NRG3: variants seen among roughly 807,000 people sequenced by gnomAD.
NRG3 encodes neuregulin 3.
A neutral mutation model predicts 66.9 loss-of-function variants in NRG3; 31 were observed. The ratio of observed to expected loss-of-function variants is 0.46; its 90% CI spans 0.35 to 0.63. The LOEUF (loss-of-function observed/expected upper bound fraction) is 0.63, where lower values mean the gene tolerates loss of function less well. Among genes scored for constraint, NRG3 ranks in the 20% least tolerant of loss-of-function variants. The pLI is 0.00. For missense variants in NRG3, 910 were observed against 878.9 expected, an observed-to-expected ratio of 1.04 and a Z score of -0.45; for synonymous variants, 393 against 359.4, an observed-to-expected ratio of 1.09 and a Z score of -1.06.
intron 2 of NRG3, among the ~76,000 whole-genome samples, chr10:82,590,395 G>C (rs1305873556): frequency 6.6e-6 from 1 of 152,118 alleles, no homozygotes; most frequent in Non-Finnish European, 1.5e-5. Flanking sequence ...ATCGGAGGAA[G>C]CTAAGAAGGC....
At chr10:81,942,384 A>G (rs1433294838) in intron 1 of NRG3, among the ~76,000 whole-genome samples, 1 of 152,156 alleles carries the variant, frequency 6.6e-6, no homozygotes. Context: ...TGATGTAAGT[A>G]GGACTCATTA....
At chr10:82,252,121 A>G (rs1174690631) in intron 1 of NRG3, among the ~76,000 whole-genome samples, 2 of 152,356 alleles carry the variant, frequency 1.3e-5, no homozygotes, top group East Asian at 3.9e-4. Flanking sequence ...CAGATTCTCA[A>G]GACCCCTTTT....
intron 1 of NRG3, among the ~76,000 whole-genome samples, chr10:82,007,472 G>A (rs1233085993): frequency 2.6e-5 from 4 of 152,070 alleles, no homozygotes; most frequent in African/African-American, 9.7e-5. Context: ...CTCCCAAAGT[G>A]CTGGGATTAC....
intron 1 of NRG3, among the ~76,000 whole-genome samples, chr10:81,999,102 C>T (rs544174307): frequency 1.4e-4 from 22 of 152,248 alleles, no homozygotes; most frequent in Non-Finnish European, 2.4e-4. Context: ...GGTGCCTGGG[C>T]GGCAAAGTGT....
At chr10:82,827,035 A>C in intron 3 of NRG3, 1 of 252,212 alleles carries the variant, frequency 4.0e-6, no homozygotes, top group Non-Finnish European at 7.9e-6. Flanking sequence ...TAACGTGTGT[A>C]AATTCCCATA....
rs535941716 is a variant in NRG3, at chr10:82,960,253, C to G, written c.1284+1178C>G. On this transcript the variant is annotated intron_variant, in intron 6 of 8. Coordinates refer to ENST00000372141, the MANE Select transcript of NRG3 (RefSeq NM_001010848.4). ...GTGCAGGAATTGTTCATTTCAGAAA[C>G]AGAGTGAATGGTTTTGCTATTGATT... Among the ~76,000 whole-genome samples the G allele has an allele frequency of 2.4e-4, 37 of 152,316 alleles. No homozygotes were observed. In the South Asian group the frequency reaches 7.5e-3, roughly 31 times the overall value.
At chr10:82,110,225 G>A (rs1409347334) in intron 1 of NRG3, among the ~76,000 whole-genome samples, 2 of 152,112 alleles carry the variant, frequency 1.3e-5, no homozygotes, top group Non-Finnish European at 2.9e-5. Context: ...AGTATATATT[G>A]GGCCAAGGGA....
intron 3 of NRG3, among the ~76,000 whole-genome samples, chr10:82,798,110 A>G (rs2060879593): frequency 6.6e-6 from 1 of 152,132 alleles, no homozygotes; most frequent in African/African-American, 2.4e-5. Context: ...CTTGAAAAAA[A>G]GTGTAACACT....
chr10:82,350,479 T>A (rs531974241), intron 1 of NRG3, among the ~76,000 whole-genome samples: 93 of 152,326 alleles, frequency 6.1e-4, no homozygotes, highest in African/African-American at 2.0e-3. Flanking sequence ...AGAGTGATCA[T>A]CACAGTATTA....
intron 1 of NRG3, among the ~76,000 whole-genome samples, chr10:82,344,046 A>G (rs2082831543): frequency 6.6e-6 from 1 of 150,584 alleles, no homozygotes; most frequent in South Asian, 2.1e-4. Flanking sequence ...CATTTAAAAA[A>G]ACTGCTTTTT....
chr10:82,009,281 A>C (rs1018878068), intron 1 of NRG3, among the ~76,000 whole-genome samples: 6 of 152,224 alleles, frequency 3.9e-5, no homozygotes, highest in Non-Finnish European at 8.8e-5. Flanking sequence ...TGACAAGTCT[A>C]CACAAGCTAG....
At chr10:82,840,409 T>A (rs1451428905) in intron 3 of NRG3, among the ~76,000 whole-genome samples, 1 of 145,624 alleles carries the variant, frequency 6.9e-6, no homozygotes, top group Admixed American at 6.7e-5. Context: ...ATGTTCAACA[T>A]ACACATTTTT....
intron 2 of NRG3, among the ~76,000 whole-genome samples, chr10:82,606,535 T>G (rs753315623): frequency 2.6e-5 from 4 of 152,184 alleles, no homozygotes; most frequent in African/African-American, 4.8e-5. Flanking sequence ...ATCTAGTTGA[T>G]TGATGTTGCT....
At chr10:82,818,154 G>A (rs2061793583) in intron 3 of NRG3, among the ~76,000 whole-genome samples, 2 of 152,188 alleles carry the variant, frequency 1.3e-5, no homozygotes, top group Non-Finnish European at 2.9e-5. Flanking sequence ...AATAGAAAAT[G>A]GGGTGGTAAC....
At chr10:82,688,787 G>T (rs2054704374) in intron 2 of NRG3, among the ~76,000 whole-genome samples, 1 of 149,910 alleles carries the variant, frequency 6.7e-6, no homozygotes, top group Admixed American at 6.6e-5. Context: ...AAAAAGAAAA[G>T]AAAAGAAAAT....
chr10:82,350,355 G>A (rs1320726352), intron 1 of NRG3, among the ~76,000 whole-genome samples: 2 of 152,162 alleles, frequency 1.3e-5, no homozygotes, highest in Non-Finnish European at 1.5e-5. Context: ...TGTGTGTCAG[G>A]CTTTGTAATA....
At chr10:82,166,704 G>A (rs1415055420) in intron 1 of NRG3, 7 of 571,416 alleles carry the variant, frequency 1.2e-5, no homozygotes, top group Non-Finnish European at 2.2e-5. Context: ...ACCATTTCTG[G>A]TGCTCTTCAT....
intron 2 of NRG3, among the ~76,000 whole-genome samples, chr10:82,726,012 T>C (rs1022953487): frequency 2.6e-5 from 4 of 152,146 alleles, no homozygotes; most frequent in African/African-American, 9.7e-5. Context: ...GCCTTAATCC[T>C]GTAGCACTGT....
At chr10:82,505,597 C>T (rs947834081) in intron 2 of NRG3, among the ~76,000 whole-genome samples, 1 of 152,126 alleles carries the variant, frequency 6.6e-6, no homozygotes, top group Non-Finnish European at 1.5e-5. Context: ...CACCCCAGTC[C>T]CTTTCTCCCC....
Sources: allele counts gnomAD v4.1 joint callset (sites outside exome capture counted in the v4.1 genomes callset), GRCh38; gene constraint gnomAD v4.1.1; transcripts MANE v1.5; gene names NCBI Gene and HGNC (gene_info 2026-07-23, HGNC 2026-07-21).